The following TPH2 variants were observed in gnomAD, a reference collection of about 807,000 sequenced individuals.
TPH2 encodes the protein tryptophan hydroxylase 2, also known as tryptophan 5-hydroxylase 2.
TPH2 carries 27 observed loss-of-function variants against 59.1 expected under a neutral mutation model. The observed-to-expected ratio is 0.46, with a 90% CI of 0.34 to 0.63. The LOEUF is 0.63. Among genes scored for constraint, TPH2 ranks in the 30% least tolerant of loss-of-function variants. The pLI is 0.01. For missense variants in TPH2, 523 were observed against 588.3 expected (o/e 0.89, Z 1.15); for synonymous variants, 220 against 210.5 (o/e 1.05, Z -0.39).
In TPH2 at chr12:72,016,308, G is replaced by A. The variant is rs542415634; in HGVS notation, c.1069-6091G>A. On this transcript the variant is annotated intron_variant, in intron 8 of 10. Transcript: ENST00000333850. ...GTTCTTTAGTGATAACGTCAATATG[G>A]AGCGTTTATTTACTCAAACACCAAA... 2.0e-5 allele frequency among the ~76,000 whole-genome samples: 3 copies of A among 152,108 alleles called. 1 individual carries two copies. The highest frequency in any genetic ancestry group is 7.2e-5 in the African/African-American group (3 of 41,496).
chr12:72,024,433 T>TTTTTTTAAAA (rs1873512771), intron 9 of TPH2, among the ~76,000 whole-genome samples: 1 of 152,232 alleles, frequency 6.6e-6, no homozygotes, highest in Non-Finnish European at 1.5e-5. Context: ...TGATGTAGTA[T>TTTTTTTAAAA]GGTAATTTTT....
intron 7 of TPH2, among the ~76,000 whole-genome samples, chr12:71,985,632 C>T (rs111879928): frequency 0.035 from 5,313 of 152,160 alleles, 126 homozygotes; most frequent in Non-Finnish European, 0.055. Context: ...CTCCTGACCT[C>T]GTGATCCAGC....
chr12:71,985,933 C>A (rs957326106), intron 7 of TPH2, among the ~76,000 whole-genome samples: 1 of 152,198 alleles, frequency 6.6e-6, no homozygotes, highest in African/African-American at 2.4e-5. Context: ...AAGGGGACAG[C>A]ACCTCTCTAC....
At chr12:71,949,495 T>C in intron 4 of TPH2, 93 bp from the exon 5 acceptor site, 1 of 1,025,152 alleles carries the variant, frequency 9.8e-7, no homozygotes, top group Non-Finnish European at 1.5e-6. Flanking sequence ...ACATATGAAT[T>C]GAACACTCAG....
At chr12:71,959,725 A>G (rs1286369084) in intron 5 of TPH2, among the ~76,000 whole-genome samples, 4 of 152,160 alleles carry the variant, frequency 2.6e-5, no homozygotes, top group Middle Eastern at 3.2e-3. Flanking sequence ...CTTAATTGGA[A>G]GCATAACAAG....
intron 8 of TPH2, among the ~76,000 whole-genome samples, chr12:72,013,397 C>T (rs1873153015): frequency 6.6e-6 from 1 of 152,168 alleles, no homozygotes; most frequent in Non-Finnish European, 1.5e-5. Context: ...TGATCTGGTA[C>T]ATTCTGTAAT....
At chr12:72,015,752 C>T (rs1178608834) in intron 8 of TPH2, among the ~76,000 whole-genome samples, 1 of 152,096 alleles carries the variant, frequency 6.6e-6, no homozygotes, top group African/African-American at 2.4e-5. Flanking sequence ...GCTTGCTAGA[C>T]TTGCATCTGA....
intron 5 of TPH2, among the ~76,000 whole-genome samples, chr12:71,971,887 C>T (rs920851472): frequency 1.3e-5 from 2 of 152,308 alleles, no homozygotes; most frequent in Admixed American, 6.5e-5. Flanking sequence ...TACTTTTTGG[C>T]TCTTTACAGA....
chr12:72,021,378 TGTGTGTGTG>T, intron 8 of TPH2, among the ~76,000 whole-genome samples: 1 of 151,268 alleles, frequency 6.6e-6, no homozygotes, highest in Non-Finnish European at 1.5e-5. Flanking sequence ...TGTGTGTGTG[TGTGTGTGTG>T]TGTGTGTGTA....
intron 8 of TPH2, among the ~76,000 whole-genome samples, chr12:72,003,273 G>C (rs1872871767): frequency 6.6e-6 from 1 of 152,130 alleles, no homozygotes; most frequent in African/African-American, 2.4e-5. Context: ...TATTTCAGCT[G>C]TTTGGATCAT....
At chr12:72,015,609 G>A (rs1388063362) in intron 8 of TPH2, among the ~76,000 whole-genome samples, 14 of 152,074 alleles carry the variant, frequency 9.2e-5, no homozygotes, top group Admixed American at 4.6e-4. Flanking sequence ...GTGAGCCACC[G>A]CGCCCGGCTT....
Position 71,972,566 on chromosome 12 carries a change from C to T in TPH2, c.656C>T (p.Thr219Ile). ...GAGTATACTGAAGAAGAAACTAAAA[C>T]TTGGGGTGTTGTATTCCGGGAGCTC... ...RVEYTEEETK[T>I]WGVVFRELSK... The change falls in exon 6 of 11, where the codon ACT becomes ATT. Residue 219 changes from threonine to isoleucine, a missense_variant. Physicochemically the swap from Thr to Ile is moderately conservative, Grantham distance 89 (BLOSUM62 -1). Coordinates refer to ENST00000333850, the MANE Select transcript of TPH2 (RefSeq NM_173353.4). The T allele has an allele frequency of 6.2e-7, 1 of 1,614,112 alleles. No individual in the cohort carries two copies. Among genetic ancestry groups the T allele is most frequent in the Non-Finnish European group, 8.5e-7 (1 of 1,180,016 alleles).
intron 9 of TPH2, among the ~76,000 whole-genome samples, chr12:72,023,824 A>AAAAAAAAAAAAAAAAAAAAAAAAAAAG (rs1555215108): frequency 2.4e-5 from 3 of 126,714 alleles, no homozygotes; most frequent in Non-Finnish European, 3.3e-5. Flanking sequence ...TCTGACAGAA[A>AAAAAAAAAAAAAAAAAAAAAAAAAAAG]AAAAAAAAAA....
At chr12:71,952,657 G>A (rs138216857) in intron 5 of TPH2, among the ~76,000 whole-genome samples, 1 of 152,242 alleles carries the variant, frequency 6.6e-6, no homozygotes, top group Non-Finnish European at 1.5e-5. Context: ...ACCTAGGCAG[G>A]ATAACAGCAT....
chr12:71,971,550 GC>G (rs1337377799), intron 5 of TPH2, among the ~76,000 whole-genome samples: 17 of 152,046 alleles, frequency 1.1e-4, no homozygotes, highest in African/African-American at 4.1e-4. Flanking sequence ...TATATTCCTT[GC>G]CTGTGGCTGC....
rs536630805 is a variant in TPH2 at position 71,996,674 on chromosome 12, G to A, written c.1068+2109G>A. ...GGCTGTGTGGAGCTGATGTGTGTGT[G>A]TGTGTGCATGTGTGCATGTGAACAT... On this transcript the variant is annotated intron_variant, in intron 8 of 10. Coordinates refer to ENST00000333850, the MANE Select transcript of TPH2 (RefSeq NM_173353.4). Among the ~76,000 whole-genome samples the A allele has an allele frequency of 5.4e-4, 82 of 152,292 alleles. 1 individual carries two copies. Among genetic ancestry groups the A allele is most frequent in the African/African-American group, 1.7e-3 (69 of 41,568 alleles).
chr12:72,004,465 A>C (rs965510665), intron 8 of TPH2, among the ~76,000 whole-genome samples: 2 of 139,094 alleles, frequency 1.4e-5, no homozygotes, highest in Non-Finnish European at 3.1e-5. Context: ...ATCTAATTTT[A>C]AAGTCATTTT....
At chr12:71,952,520 G>T (rs1429406574) in intron 5 of TPH2, among the ~76,000 whole-genome samples, 1 of 152,118 alleles carries the variant, frequency 6.6e-6, no homozygotes, top group Non-Finnish European at 1.5e-5. Context: ...AGCAGAGGAG[G>T]CCAGATTATA....
At chr12:72,016,163 T>C (rs1873246698) in intron 8 of TPH2, among the ~76,000 whole-genome samples, 1 of 152,194 alleles carries the variant, frequency 6.6e-6, no homozygotes. Context: ...AAGTGCTCTA[T>C]CTACTTCACA....
Sources: allele counts gnomAD v4.1 joint callset (sites outside exome capture counted in the v4.1 genomes callset), GRCh38; gene constraint gnomAD v4.1.1; transcripts MANE v1.5; gene names NCBI Gene and HGNC (gene_info 2026-07-23, HGNC 2026-07-21).